MEDAG: variants seen among roughly 807,000 people sequenced by gnomAD.
The protein encoded by MEDAG is mesenteric estrogen-dependent adipogenesis protein.
MEDAG carries 25 observed loss-of-function variants against 29.9 expected under a neutral mutation model. The ratio of observed to expected loss-of-function variants is 0.84; its 90% CI spans 0.61 to 1.17. The LOEUF is 1.17. MEDAG is among the 50% of genes most tolerant of loss of function. MEDAG has a pLI of 0.00. For synonymous variants in MEDAG, 158 were observed against 148.2 expected, an observed-to-expected ratio of 1.07 and a Z score of -0.48; for missense variants, 398 against 372.9, an observed-to-expected ratio of 1.07 and a Z score of -0.56.
Position 30,906,385 on chromosome 13 carries a change from C to A in MEDAG, c.-131C>A. ...CCGCGTCCCGGCCAGGCGGGCAGAC[C>A]GACCCCCTCCTCACCTCGCGCGCGG... On this transcript the variant is annotated 5_prime_UTR_variant, in exon 1 of 5. Transcript: ENST00000380482. The A allele has an allele frequency of 2.0e-6, 2 of 1,006,050 alleles. No individual in the cohort carries two copies. The highest frequency in any genetic ancestry group is 2.6e-6 in the Non-Finnish European group (2 of 762,048). 62.3% of individuals were successfully genotyped at this position (1,006,050 alleles called of 1,614,324 possible).
intron 1 of MEDAG, among the ~76,000 whole-genome samples, chr13:30,915,885 C>T (rs1370401799): frequency 1.3e-5 from 2 of 152,082 alleles, no homozygotes; most frequent in Admixed American, 6.6e-5. Context: ...TCACCCACTC[C>T]GTGAGCATCA....
chr13:30,917,422 T>C lies in MEDAG; in HGVS notation c.298T>C (p.Tyr100His). The C allele has an allele frequency of 6.2e-7, 1 of 1,602,762 alleles. No homozygotes were observed. The change falls in exon 2 of 5, where the codon TAC becomes CAC. Residue 100 changes from tyrosine (Y) to histidine (H), a missense_variant. Physicochemically the swap from Tyr to His is moderately conservative, Grantham distance 83. Transcript: ENST00000380482. The stretch of plus-strand genomic sequence containing the variant: ...TCATAGGTATGTGGAACTGACCAAC[T>C]ACTGTGATTATAAAGACTACAGGGA... ...YIKRYVELTN[Y>H]CDYKDYRETI...
At chr13:30,917,647 G>T (rs1376329711) in intron 2 of MEDAG, 135 bp downstream of exon 2, 1 of 603,842 alleles carries the variant, frequency 1.7e-6, no homozygotes, top group Non-Finnish European at 2.9e-6. Context: ...GGAGGCCTCA[G>T]GAAACTTACA....
intron 2 of MEDAG, among the ~76,000 whole-genome samples, 167 bp from the exon 3 acceptor site, chr13:30,920,847 A>G (rs1952976585): frequency 6.6e-6 from 1 of 152,222 alleles, no homozygotes. Context: ...AAACACTTCT[A>G]GAAATCTGGC....
chr13:30,917,415 G>C lies in MEDAG; in HGVS notation c.291G>C (p.Leu97=), dbSNP rs1247990104. 3 of 1,595,510 alleles carry C rather than the reference G, an allele frequency of 1.9e-6. No individual in the cohort carries two copies. Among genetic ancestry groups the C allele is most frequent in the African/African-American group, 2.7e-5 (2 of 74,524 alleles). ...LSSYIKRYVE[L]TNYCDYKDYR... ...TGCTTCTTCATAGGTATGTGGAACT[G>C]ACCAACTACTGTGATTATAAAGACT... Residue 97 remains leucine (L), a synonymous_variant, in exon 2 of 5, where the codon CTG becomes CTC. Coordinates refer to ENST00000380482, the MANE Select transcript of MEDAG (RefSeq NM_032849.4).
rs556630106 is a variant in MEDAG at position 30,919,092 on chromosome 13, T to G, written c.388+1580T>G. 3.9e-5 allele frequency among the ~76,000 whole-genome samples: 6 copies of G among 152,294 alleles called. No individual in the cohort carries two copies. In the East Asian group the frequency reaches 1.2e-3, roughly 29 times the overall value. ...AGAATGTATGAAGTTGTCGAACAAC[T>G]ATCATGGAAGGAGGCACGTGTCTGA... is the stretch of plus-strand genomic sequence containing the variant. On this transcript the variant is annotated intron_variant, in intron 2 of 4. Coordinates refer to ENST00000380482, the MANE Select transcript of MEDAG (RefSeq NM_032849.4).
At position 30,921,774 on chromosome 13, in the gene MEDAG, C is replaced by G. The variant is rs138341583; in HGVS notation, c.715C>G (p.Leu239Val). ...AAAGAAGGAGACGATTAAGTTATTT[C>G]TGGAAAAAATGAGTGAGCCTTTAAT... is the stretch of plus-strand genomic sequence containing the variant. ...PEKKETIKLF[L>V]EKMSEPLIRR... The change falls in exon 4 of 5, where the codon CTG (leucine) becomes GTG (valine). Residue 239 changes from leucine (L) to valine (V), a missense_variant. Physicochemically the swap from Leu to Val is conservative, Grantham distance 32. Transcript: ENST00000380482. The G allele has an allele frequency of 1.2e-6, 2 of 1,613,034 alleles. No individual in the cohort carries two copies. Among genetic ancestry groups the G allele is most frequent in the Non-Finnish European group, 1.7e-6 (2 of 1,179,778 alleles).
chr13:30,910,125 G>T (rs1952867675), intron 1 of MEDAG, among the ~76,000 whole-genome samples: 1 of 151,704 alleles, frequency 6.6e-6, no homozygotes, highest in Non-Finnish European at 1.5e-5. Context: ...TGTGGGTAAT[G>T]GTCATTCAGG....
chr13:30,917,601 CA>C (rs1952942271), intron 2 of MEDAG, 89 bp downstream of exon 2: 1 of 733,034 alleles, frequency 1.4e-6, no homozygotes, highest in African/African-American at 1.8e-5. Flanking sequence ...TTAATTGGCT[CA>C]CGGTTCTGCA....
intron 1 of MEDAG, among the ~76,000 whole-genome samples, chr13:30,909,349 G>A (rs140902795): frequency 7.8e-4 from 118 of 152,112 alleles, no homozygotes; most frequent in South Asian, 2.1e-3. Context: ...CTTCAGAGCC[G>A]GATTGCCCCA....
intron 4 of MEDAG, 172 bp downstream of exon 4, chr13:30,922,018 A>G: frequency 1.5e-6 from 1 of 673,066 alleles, no homozygotes; most frequent in Non-Finnish European, 2.3e-6. Context: ...AAACAAATGC[A>G]GTGACTTTTC....
intron 1 of MEDAG, among the ~76,000 whole-genome samples, chr13:30,910,832 G>A (rs1952875710): frequency 2.0e-5 from 3 of 152,230 alleles, no homozygotes; most frequent in Non-Finnish European, 1.5e-5. Context: ...ACTGGGGGAA[G>A]CCTCACCTCC....
chr13:30,918,907 C>A (rs570806439), intron 2 of MEDAG, among the ~76,000 whole-genome samples: 29 of 152,218 alleles, frequency 1.9e-4, no homozygotes, highest in African/African-American at 7.0e-4. Flanking sequence ...AACCAGAAAG[C>A]CAGATAGTTC....
At chr13:30,923,958 C>A (rs564528646) in intron 4 of MEDAG, among the ~76,000 whole-genome samples, 2 of 152,318 alleles carry the variant, frequency 1.3e-5, no homozygotes, top group Admixed American at 6.5e-5. Context: ...CTGGCACCCA[C>A]GACAGGCAGA....
chr13:30,906,432 G>A lies in MEDAG; in HGVS notation c.-84G>A. On this transcript the variant is annotated 5_prime_UTR_variant, in exon 1 of 5. Transcript: ENST00000380482. ...GCGGCTGACGCAGGCAGGGCGCCCG[G>A]CCCCTCCTGGGGACCATCAGGTGCC... The A allele has an allele frequency of 2.2e-6, 3 of 1,336,566 alleles. No homozygotes were observed. The highest frequency in any genetic ancestry group is 1.9e-6 in the Non-Finnish European group (2 of 1,038,086). The allele number at this position is 1,336,566 out of a possible 1,614,324, so 82.8% of individuals were successfully genotyped here.
intron 4 of MEDAG, among the ~76,000 whole-genome samples, chr13:30,923,832 C>T (rs1052832869): frequency 6.6e-6 from 1 of 152,190 alleles, no homozygotes; most frequent in Non-Finnish European, 1.5e-5. Context: ...TCTAAGCTGG[C>T]TCTGGGGCCA....
At chr13:30,914,758 G>A (rs1952911321) in intron 1 of MEDAG, among the ~76,000 whole-genome samples, 1 of 152,172 alleles carries the variant, frequency 6.6e-6, no homozygotes, top group Non-Finnish European at 1.5e-5. Flanking sequence ...TTATCTGTGG[G>A]ATCACTGACC....
intron 2 of MEDAG, among the ~76,000 whole-genome samples, chr13:30,920,405 A>T (rs897605908): frequency 6.6e-6 from 1 of 152,078 alleles, no homozygotes; most frequent in Admixed American, 6.6e-5. Flanking sequence ...GGGCAACATA[A>T]TGAAACCCTG....
chr13:30,917,659 T>C, intron 2 of MEDAG, 147 bp downstream of exon 2: 3 of 600,220 alleles, frequency 5.0e-6, no homozygotes, highest in Non-Finnish European at 8.8e-6. Flanking sequence ...AAACTTACAA[T>C]CATGGTGGAA....
Sources: allele counts gnomAD v4.1 joint callset (sites outside exome capture counted in the v4.1 genomes callset), GRCh38; gene constraint gnomAD v4.1.1; transcripts MANE v1.5; gene names NCBI Gene and HGNC (gene_info 2026-07-23, HGNC 2026-07-21).